The following GSE1 variants were observed in gnomAD, a reference collection of about 807,000 sequenced individuals.
GSE1 encodes the protein Gse1 coiled-coil protein.
GSE1 carries 32 observed loss-of-function variants against 112.6 expected under a neutral mutation model. The ratio of observed to expected loss-of-function variants is 0.28; its 90% CI spans 0.21 to 0.38. The LOEUF is 0.38. Among genes scored for constraint, GSE1 ranks in the 10% least tolerant of loss-of-function variants. The pLI, the probability that GSE1 is intolerant of heterozygous loss-of-function variation, is 1.00. For synonymous variants in GSE1, 1,115 were observed against 735.6 expected (o/e 1.52, Z -8.35); for missense variants, 2,348 against 1,699.2 (o/e 1.38, Z -6.71).
At chr16:85,626,009 C>T (rs2049044701) in intron 1 of GSE1, among the ~76,000 whole-genome samples, 1 of 152,158 alleles carries the variant, frequency 6.6e-6, no homozygotes, top group Non-Finnish European at 1.5e-5. Context: ...GGTCAGGATC[C>T]TGGCCACCTG....
At chr16:85,195,977 T>C (rs1158046274) in intron 1 of GSE1, among the ~76,000 whole-genome samples, 2 of 152,148 alleles carry the variant, frequency 1.3e-5, no homozygotes, top group Non-Finnish European at 1.5e-5. Flanking sequence ...TTAGTACCGA[T>C]GCTGTGTTTG....
At chr16:85,655,228 C>T (rs774551245) in intron 5 of GSE1, among the ~76,000 whole-genome samples, 1 of 152,206 alleles carries the variant, frequency 6.6e-6, no homozygotes. Context: ...TGGCTCCTCC[C>T]CTTCTCACCG....
chr16:85,629,063 C>T (rs907389440), intron 1 of GSE1, among the ~76,000 whole-genome samples: 2 of 152,188 alleles, frequency 1.3e-5, no homozygotes, highest in South Asian at 4.1e-4. Flanking sequence ...GGGACCTCCC[C>T]ACTCTTGCTC....
At chr16:85,635,160 AAT>A (rs1292981490) in intron 2 of GSE1, among the ~76,000 whole-genome samples, 10 of 152,094 alleles carry the variant, frequency 6.6e-5, no homozygotes, top group African/African-American at 2.4e-4. Context: ...CTCATTTCTG[AAT>A]GTCTCCTTCC....
chr16:85,183,068 C>T lies in GSE1; in HGVS notation c.2283+11261C>T, dbSNP rs571190770. 3.3e-5 allele frequency among the ~76,000 whole-genome samples: 5 copies of T among 152,312 alleles called. No homozygotes were observed. In the East Asian group the frequency reaches 7.7e-4, roughly 23 times the overall value. On this transcript the variant is annotated intron_variant, in intron 1 of 2. Transcript: ENST00000637419. Reference sequence around the variant, plus strand: ...CCGTGCACACTCATACACTGTCTCACACCTGTGCCCACACACTCACATGCG... The same window carrying T: ...CCGTGCACACTCATACACTGTCTCATACCTGTGCCCACACACTCACATGCG...
chr16:85,174,963 C>T (rs555578327), intron 1 of GSE1, among the ~76,000 whole-genome samples: 4 of 152,264 alleles, frequency 2.6e-5, no homozygotes, highest in African/African-American at 9.6e-5. Context: ...ATGAGGAGGG[C>T]AGTGGAAGTT....
intron 6 of GSE1, 148 bp from the exon 7 acceptor site, chr16:85,656,195 T>A: frequency 1.0e-6 from 1 of 1,001,468 alleles, no homozygotes; most frequent in Non-Finnish European, 1.5e-6. Context: ...CTTAAGTTCT[T>A]CCTGCACCAG....
rs1163994501 is a variant in GSE1 at position 85,311,331 on chromosome 16, C to A, written c.2284-46132C>A. ...CTGGACAGGGTGGGCGTCGTTAGAG[C>A]AGAAACGGTGGTGGCAGGACCCAAG... On this transcript the variant is annotated intron_variant, in intron 1 of 2. Transcript: ENST00000637419. The surrounding 1 kb of genome is among the most constrained non-coding windows in gnomAD (Gnocchi z 4.2). Among the ~76,000 whole-genome samples the A allele has an allele frequency of 6.6e-6, 1 of 152,226 alleles. No individual in the cohort carries two copies. The highest frequency in any genetic ancestry group is 2.4e-5 in the African/African-American group (1 of 41,460).
At chr16:85,303,228 C>A (rs887829258) in intron 1 of GSE1, among the ~76,000 whole-genome samples, 6 of 152,220 alleles carry the variant, frequency 3.9e-5, no homozygotes, top group African/African-American at 1.4e-4. Flanking sequence ...TCCATGGGAC[C>A]CACTGCCCTG....
At chr16:85,213,970 AAAAG>A (rs1335956241) in intron 1 of GSE1, among the ~76,000 whole-genome samples, 3 of 152,202 alleles carry the variant, frequency 2.0e-5, no homozygotes, top group Non-Finnish European at 4.4e-5. Flanking sequence ...GAGACAGAGA[AAAAG>A]AGAGAGGGCT....
At chr16:85,612,239 G>A (rs2048036654), upstream of GSE1, among the ~76,000 whole-genome samples, 2 of 148,382 alleles carry the variant, frequency 1.3e-5, no homozygotes, top group South Asian at 4.2e-4. Flanking sequence ...CCGCGATGGG[G>A]TGGGGGCGGG....
chr16:85,545,409 C>G lies in GSE1; in HGVS notation c.2465-88505C>G, dbSNP rs2044661984. Among the ~76,000 whole-genome samples, 4 of 152,138 alleles carry G rather than the reference C, an allele frequency of 2.6e-5. No homozygotes were observed. In the South Asian group the frequency reaches 8.3e-4, roughly 32 times the overall value. ...TAGACTGCAGATGCGGTGTTCTTGC[C>G]CTTCCTGTTTTTTGTTTGTTTTGCT... is the stretch of plus-strand genomic sequence containing the variant. On this transcript the variant is annotated intron_variant, in intron 2 of 2. Transcript: ENST00000637419.
intron 2 of GSE1, among the ~76,000 whole-genome samples, chr16:85,365,738 A>C (rs2047172630): frequency 6.6e-6 from 1 of 152,214 alleles, no homozygotes; most frequent in Admixed American, 6.5e-5. Flanking sequence ...CAGCGACTTC[A>C]TTTCCACTCT....
chr16:85,344,631 G>A (rs879524493), intron 1 of GSE1, among the ~76,000 whole-genome samples: 21 of 152,228 alleles, frequency 1.4e-4, no homozygotes, highest in Middle Eastern at 3.2e-3. Flanking sequence ...TGGCCCTTGC[G>A]GCTGCCCCAG....
rs1045763816 is a variant in GSE1 at position 85,195,677 on chromosome 16, G to A, written c.2283+23870G>A. Reference sequence around the variant, plus strand: ...CACCATTGAGGATGACCACTGCAGCGTCTTGTGGTCGTCAAAATTAACCCC... The same window carrying A: ...CACCATTGAGGATGACCACTGCAGCATCTTGTGGTCGTCAAAATTAACCCC... On this transcript the variant is annotated intron_variant, in intron 1 of 2. Coordinates refer to the GSE1 transcript ENST00000637419. Among the ~76,000 whole-genome samples the A allele has an allele frequency of 8.5e-5, 13 of 152,278 alleles. 1 individual carries two copies. Among genetic ancestry groups the A allele is most frequent in the South Asian group, 6.2e-4 (3 of 4,826 alleles).
chr16:85,520,667 C>G (rs1264526922), intron 2 of GSE1, among the ~76,000 whole-genome samples: 1 of 152,086 alleles, frequency 6.6e-6, no homozygotes, highest in Non-Finnish European at 1.5e-5. Flanking sequence ...AGGTAATCTA[C>G]CTGCCTCGGC....
intron 1 of GSE1, among the ~76,000 whole-genome samples, chr16:85,218,904 G>A (rs1047692056): frequency 6.6e-6 from 1 of 152,050 alleles, no homozygotes; most frequent in Non-Finnish European, 1.5e-5. Flanking sequence ...TTTTGAGACA[G>A]AGTCTGGCTC....
At chr16:85,225,196 A>G (rs1206357320) in intron 1 of GSE1, among the ~76,000 whole-genome samples, 2 of 152,174 alleles carry the variant, frequency 1.3e-5, no homozygotes, top group African/African-American at 2.4e-5. Flanking sequence ...CAACACAGAC[A>G]TCACACACAC....
intron 2 of GSE1, among the ~76,000 whole-genome samples, chr16:85,498,676 A>C (rs1279624111): frequency 6.6e-6 from 1 of 152,252 alleles, no homozygotes; most frequent in Non-Finnish European, 1.5e-5. Flanking sequence ...ACGTGTATGC[A>C]CACGACAGCA....
Sources: allele counts gnomAD v4.1 joint callset (sites outside exome capture counted in the v4.1 genomes callset), GRCh38; gene constraint gnomAD v4.1.1; non-coding constraint Gnocchi (gnomAD v3.1); transcripts MANE v1.5; gene names NCBI Gene and HGNC (gene_info 2026-07-23, HGNC 2026-07-21).